CCM2: variants seen among roughly 807,000 people sequenced by gnomAD.
CCM2 encodes cerebral cavernous malformations 2 protein.
Under a neutral mutation model 44.9 loss-of-function variants are expected in CCM2, and 25 were observed. The ratio of observed to expected loss-of-function variants is 0.56; its 90% CI spans 0.41 to 0.78. The LOEUF is 0.78. Ranked by LOEUF, CCM2 falls within the 30% of genes least tolerant of loss-of-function variation. CCM2 has a pLI of 0.00. For missense variants in CCM2, 481 were observed against 580.6 expected (o/e 0.83, Z 1.76); for synonymous variants, 219 against 241.1 (o/e 0.91, Z 0.85).
At chr7:45,021,203 G>T (rs1295789665) in intron 1 of CCM2, among the ~76,000 whole-genome samples, 2 of 152,136 alleles carry the variant, frequency 1.3e-5, no homozygotes, top group Non-Finnish European at 2.9e-5. Context: ...AATGCAGTGA[G>T]CCATGATTGT....
intron 1 of CCM2, 46 bp downstream of exon 1, chr7:45,000,409 TG>T: frequency 1.3e-6 from 1 of 768,518 alleles, no homozygotes; most frequent in Non-Finnish European, 1.6e-6. Context: ...GGCGGGCGGC[TG>T]GGTTGAGGGG....
intron 1 of CCM2, among the ~76,000 whole-genome samples, chr7:45,029,213 G>A (rs530427326): frequency 6.6e-6 from 1 of 152,294 alleles, no homozygotes; most frequent in Non-Finnish European, 1.5e-5. Context: ...GGCGCATAGT[G>A]AATACTCATG....
At chr7:45,059,762 A>G (rs1798440659) in intron 2 of CCM2, among the ~76,000 whole-genome samples, 1 of 152,134 alleles carries the variant, frequency 6.6e-6, no homozygotes, top group African/African-American at 2.4e-5. Context: ...GTGTATATAT[A>G]TATATTTATT....
chr7:45,035,417 C>T (rs1253562764), intron 1 of CCM2, among the ~76,000 whole-genome samples: 1 of 152,140 alleles, frequency 6.6e-6, no homozygotes, highest in Non-Finnish European at 1.5e-5. Context: ...CCCCTACCAC[C>T]GGATGTACTG....
At chr7:45,061,168 C>CA (rs1027330245) in intron 2 of CCM2, among the ~76,000 whole-genome samples, 1 of 152,204 alleles carries the variant, frequency 6.6e-6, no homozygotes, top group African/African-American at 2.4e-5. Context: ...TGTTATTACA[C>CA]AGGGGTCCTG....
chr7:45,040,104 A>G (rs1275880200), intron 2 of CCM2, among the ~76,000 whole-genome samples: 2 of 149,144 alleles, frequency 1.3e-5, no homozygotes, highest in Non-Finnish European at 3.0e-5. Flanking sequence ...AGATAAAAGT[A>G]AAAAAAAAGG....
intron 1 of CCM2, among the ~76,000 whole-genome samples, chr7:45,004,643 G>C (rs1795773079): frequency 6.6e-6 from 1 of 152,284 alleles, no homozygotes; most frequent in African/African-American, 2.4e-5. Flanking sequence ...CTGTATAACC[G>C]AAGTGAAAGT....
At position 45,045,683 on chromosome 7, in the gene CCM2, C is replaced by T. The variant is rs1038055068; in HGVS notation, c.204+7257C>T. On this transcript the variant is annotated intron_variant, in intron 2 of 9. Transcript: ENST00000258781. ...GCGGGTGCCTGTAGTCCCAGCTACT[C>T]GGGAGGCTGAGGCAGGAGAACAGCA... 2.7e-5 allele frequency among the ~76,000 whole-genome samples: 4 copies of T among 150,188 alleles called. No individual in the cohort carries two copies. In the East Asian group the frequency reaches 5.9e-4, roughly 22 times the overall value.
At chr7:45,033,881 T>C (rs549258816) in intron 1 of CCM2, among the ~76,000 whole-genome samples, 100 of 152,324 alleles carry the variant, frequency 6.6e-4, no homozygotes, top group African/African-American at 2.1e-3. Flanking sequence ...TTAGTGAGGC[T>C]AGAGAAACAT....
chr7:45,046,083 G>A (rs1797742078), intron 2 of CCM2, among the ~76,000 whole-genome samples: 1 of 152,146 alleles, frequency 6.6e-6, no homozygotes, highest in South Asian at 2.1e-4. Flanking sequence ...CCAACTCCTT[G>A]AAAAGCACAA....
At chr7:45,038,758 A>C (rs747274435) in intron 2 of CCM2, among the ~76,000 whole-genome samples, 30 of 152,222 alleles carry the variant, frequency 2.0e-4, no homozygotes, top group Non-Finnish European at 4.1e-4. Context: ...TTTGCAGTTG[A>C]AAAGAGTTAC....
intron 3 of CCM2, 117 bp downstream of exon 3, chr7:45,064,118 A>C: frequency 1.4e-6 from 1 of 724,046 alleles, no homozygotes; most frequent in South Asian, 1.6e-5. Context: ...TTATGGGTAC[A>C]CTTGGCTCTT....
intron 1 of CCM2, among the ~76,000 whole-genome samples, chr7:45,011,514 T>A (rs1185425057): frequency 6.6e-6 from 1 of 151,536 alleles, no homozygotes; most frequent in Non-Finnish European, 1.5e-5. Flanking sequence ...TTTTTAAAAA[T>A]TTTTATTTTT....
intron 2 of CCM2, among the ~76,000 whole-genome samples, chr7:45,058,285 C>CG (rs1297515997): frequency 6.6e-6 from 1 of 152,092 alleles, no homozygotes; most frequent in Non-Finnish European, 1.5e-5. Flanking sequence ...GGGAAGGTAT[C>CG]TAACTTTTTG....
chr7:45,000,591 C>G (rs980741733), intron 1 of CCM2, among the ~76,000 whole-genome samples: 6 of 152,124 alleles, frequency 3.9e-5, no homozygotes, highest in Admixed American at 2.0e-4. Flanking sequence ...CGGCTCGCCC[C>G]GACCTCGGCC....
At chr7:45,067,057 C>T (rs559818116) in intron 4 of CCM2, among the ~76,000 whole-genome samples, 8 of 152,084 alleles carry the variant, frequency 5.3e-5, no homozygotes, top group South Asian at 2.1e-4. Flanking sequence ...CCTGCCACCA[C>T]GCCTGGCTAA....
chr7:45,052,149 G>A (rs971387103), intron 2 of CCM2, among the ~76,000 whole-genome samples: 1 of 152,220 alleles, frequency 6.6e-6, no homozygotes, highest in Non-Finnish European at 1.5e-5. Context: ...GGCAGCTGCT[G>A]CAGGCAGGAG....
intron 1 of CCM2, among the ~76,000 whole-genome samples, chr7:45,009,322 A>AT (rs1795976281): frequency 6.7e-6 from 1 of 148,704 alleles, no homozygotes. Context: ...AAAAAAAAAA[A>AT]TTTTTGAGTA....
At chr7:45,016,272 T>C (rs886141594) in intron 1 of CCM2, among the ~76,000 whole-genome samples, 1 of 152,226 alleles carries the variant, frequency 6.6e-6, no homozygotes, top group South Asian at 2.1e-4. Context: ...GGAGGAGTTA[T>C]GAATATTCAT....
Sources: allele counts gnomAD v4.1 joint callset (sites outside exome capture counted in the v4.1 genomes callset), GRCh38; gene constraint gnomAD v4.1.1; transcripts MANE v1.5; gene names NCBI Gene and HGNC (gene_info 2026-07-23, HGNC 2026-07-21).